PRKCA: variants seen among roughly 807,000 people sequenced by gnomAD.
PRKCA encodes the protein protein kinase C alpha type.
In PRKCA, 27 loss-of-function variants were observed where a neutral mutation model predicts 87.0. The ratio of observed to expected loss-of-function variants is 0.31; its 90% CI spans 0.23 to 0.43. PRKCA has a LOEUF of 0.43. Ranked by LOEUF, PRKCA falls within the 20% of genes least tolerant of loss-of-function variation. PRKCA has a pLI of 1.00. For synonymous variants in PRKCA, 329 were observed against 311.1 expected (o/e 1.06, Z -0.61); for missense variants, 518 against 852.3 (o/e 0.61, Z 4.88).
intron 3 of PRKCA, among the ~76,000 whole-genome samples, chr17:66,557,815 T>C (rs1968547022): frequency 6.6e-6 from 1 of 152,212 alleles, no homozygotes; most frequent in Admixed American, 6.5e-5. Flanking sequence ...GCAGATTTTC[T>C]ACAGGCCTGT....
At chr17:66,685,688 C>T (rs1266343884) in intron 5 of PRKCA, among the ~76,000 whole-genome samples, 1 of 152,196 alleles carries the variant, frequency 6.6e-6, no homozygotes, top group African/African-American at 2.4e-5. Context: ...TAGGGCTGTA[C>T]CTCCCTCATT....
chr17:66,304,703 G>A (rs769850637), intron 1 of PRKCA, among the ~76,000 whole-genome samples: 7 of 152,148 alleles, frequency 4.6e-5, no homozygotes, highest in Non-Finnish European at 1.0e-4. Context: ...TTCCTTTTTA[G>A]ACATCTGCTC....
At chr17:66,408,848 TC>T (rs1278304262) in intron 2 of PRKCA, among the ~76,000 whole-genome samples, 1 of 151,578 alleles carries the variant, frequency 6.6e-6, no homozygotes, top group Non-Finnish European at 1.5e-5. Context: ...GGCTAGGAGT[TC>T]AAGACCAGCC....
intron 13 of PRKCA, among the ~76,000 whole-genome samples, chr17:66,763,962 G>A (rs1405392175): frequency 1.3e-5 from 2 of 152,182 alleles, no homozygotes; most frequent in Non-Finnish European, 2.9e-5. Flanking sequence ...CAGGACTCAT[G>A]TAAACTGGGC....
At chr17:66,788,354 A>G (rs1454372139) in intron 15 of PRKCA, among the ~76,000 whole-genome samples, 1 of 152,182 alleles carries the variant, frequency 6.6e-6, no homozygotes, top group Non-Finnish European at 1.5e-5. Context: ...CTTCCTTGTT[A>G]TAGCATTTAT....
rs952587283 is a variant in PRKCA, at chr17:66,380,943, C to T, written c.205+74816C>T. Among the ~76,000 whole-genome samples the T allele has an allele frequency of 4.9e-5, 7 of 142,784 alleles. No homozygotes were observed. The South Asian group carries it at 1.3e-3, about 27-fold the overall frequency. The allele number at this position is 142,784 out of a possible 152,430, so 93.7% of individuals were successfully genotyped here. A position where few individuals can be genotyped will look rare whatever the true frequency, so the allele number is the denominator to read the frequency against. On this transcript the variant is annotated intron_variant, in intron 2 of 16. Transcript: ENST00000413366. The stretch of plus-strand genomic sequence containing the variant: ...TAAGGTATTTTTATTTTTTATTTTT[C>T]TTTTTTTTTTTTTGGAGACAGGGTC...
At chr17:66,774,772 G>A (rs1398915224) in intron 14 of PRKCA, 2 of 985,434 alleles carry the variant, frequency 2.0e-6, no homozygotes, top group East Asian at 2.3e-4. Context: ...ATTATTTAAG[G>A]AAGAAGACAG....
At chr17:66,645,679 C>A (rs192300931) in intron 5 of PRKCA, among the ~76,000 whole-genome samples, 168 bp downstream of exon 5, 1 of 152,276 alleles carries the variant, frequency 6.6e-6, no homozygotes, top group South Asian at 2.1e-4. Context: ...TCTGAGCCCT[C>A]GGGTTAATAC....
chr17:66,606,994 T>A (rs1263113690), intron 3 of PRKCA, among the ~76,000 whole-genome samples: 1 of 152,180 alleles, frequency 6.6e-6, no homozygotes, highest in Non-Finnish European at 1.5e-5. Flanking sequence ...GACCCAGCGA[T>A]GGAGTTGTGG....
At chr17:66,377,751 A>G (rs1435047233) in intron 2 of PRKCA, among the ~76,000 whole-genome samples, 1 of 103,054 alleles carries the variant, frequency 9.7e-6, no homozygotes, top group Admixed American at 1.3e-4. Context: ...TTGAGGCAGG[A>G]CCTCACTCTG....
At chr17:66,483,979 G>A (rs1915892752) in intron 2 of PRKCA, among the ~76,000 whole-genome samples, 1 of 151,978 alleles carries the variant, frequency 6.6e-6, no homozygotes. Context: ...CCGAGACTAG[G>A]TAATTTATTA....
intron 3 of PRKCA, among the ~76,000 whole-genome samples, chr17:66,521,849 G>T (rs1428692285): frequency 6.6e-6 from 1 of 152,170 alleles, no homozygotes; most frequent in Non-Finnish European, 1.5e-5. Context: ...CTCCTTGAAA[G>T]GCAAGAACAC....
At chr17:66,358,545 A>G (rs1319894129) in intron 2 of PRKCA, among the ~76,000 whole-genome samples, 4 of 150,338 alleles carry the variant, frequency 2.7e-5, no homozygotes, top group Non-Finnish European at 5.9e-5. Context: ...TAAGGCTAAC[A>G]TGATATTGAG....
intron 8 of PRKCA, chr17:66,703,448 C>T (rs1973112422): frequency 1.3e-5 from 2 of 152,118 alleles, no homozygotes; most frequent in Non-Finnish European, 2.9e-5. Context: ...TGGAATACCT[C>T]CTGAAGGCTC....
At chr17:66,373,795 G>A (rs1405833938) in intron 2 of PRKCA, among the ~76,000 whole-genome samples, 4 of 152,128 alleles carry the variant, frequency 2.6e-5, no homozygotes, top group South Asian at 4.2e-4. Flanking sequence ...TCCTAAAATC[G>A]GGTAGATTAC....
intron 3 of PRKCA, among the ~76,000 whole-genome samples, chr17:66,556,034 T>C (rs2143260815): frequency 6.6e-6 from 1 of 152,210 alleles, no homozygotes; most frequent in East Asian, 1.9e-4. Flanking sequence ...AAGGAAGCCA[T>C]TCATCCATCC....
At chr17:66,553,052 G>A (rs1968390786) in intron 3 of PRKCA, among the ~76,000 whole-genome samples, 1 of 151,744 alleles carries the variant, frequency 6.6e-6, no homozygotes, top group African/African-American at 2.4e-5. Flanking sequence ...TGTGATCTTG[G>A]CTCACTGCAA....
At chr17:66,678,396 G>T (rs147087129) in intron 5 of PRKCA, among the ~76,000 whole-genome samples, 4 of 152,160 alleles carry the variant, frequency 2.6e-5, no homozygotes, top group African/African-American at 9.7e-5. Context: ...GGAAGTTTGC[G>T]TATACTTTGT....
chr17:66,520,618 T>C (rs1326064244), intron 3 of PRKCA, among the ~76,000 whole-genome samples: 1 of 152,142 alleles, frequency 6.6e-6, no homozygotes, highest in African/African-American at 2.4e-5. Context: ...GCACGTTAAG[T>C]TCAACTTATC....
Sources: gnomAD v4.1 joint callset for allele counts (sites outside exome capture counted in the v4.1 genomes callset) on GRCh38, gnomAD v4.1.1 for gene constraint, MANE v1.5 for transcripts, NCBI Gene and HGNC (gene_info 2026-07-23, HGNC 2026-07-21) for gene names.